The following HAPSTR1 variants were observed in gnomAD, a reference collection of about 807,000 sequenced individuals.
The protein encoded by HAPSTR1 is HUWE1-associated protein modifying stress responses 1.
chr16:9,104,430 T>G, the HAPSTR1 span: 1 of 152,212 alleles, frequency 6.6e-6, no homozygotes, highest in Non-Finnish European at 1.5e-5. Context: ...TTAACATTTT[T>G]GGGCCATAGT....
chr16:9,103,345 A>C, the HAPSTR1 span: 2 of 1,398,378 alleles, frequency 1.4e-6, no homozygotes, highest in African/African-American at 2.9e-5. Flanking sequence ...TTAGGTCCAG[A>C]TATACTGTTT....
the HAPSTR1 span, among the ~76,000 whole-genome samples, chr16:9,098,330 T>TCA: frequency 4.1e-4 from 62 of 152,066 alleles, no homozygotes; most frequent in East Asian, 4.4e-3. Flanking sequence ...CGAAAATCCA[T>TCA]CACACACACA....
At chr16:9,114,692 C>G in the HAPSTR1 span, among the ~76,000 whole-genome samples, 1 of 152,128 alleles carries the variant, frequency 6.6e-6, no homozygotes, top group Non-Finnish European at 1.5e-5. Flanking sequence ...CTGAAGCCAC[C>G]TTTTTGCTAA....
At chr16:9,105,777 A>T in the HAPSTR1 span, 2 of 152,244 alleles carry the variant, frequency 1.3e-5, no homozygotes. Context: ...GTCTAAATTC[A>T]TGCGTTTGGC....
At chr16:9,092,218 G>A in the HAPSTR1 span, 1 of 1,587,760 alleles carries the variant, frequency 6.3e-7, no homozygotes, top group Admixed American at 1.8e-5. Flanking sequence ...AGCAGCAGAA[G>A]CTGTGGCACC....
the HAPSTR1 span, chr16:9,106,829 C>G: frequency 6.6e-6 from 1 of 152,020 alleles, no homozygotes. Context: ...ATAAATTTCC[C>G]AAGAGTTGAA....
chr16:9,096,346 A>C, the HAPSTR1 span, among the ~76,000 whole-genome samples: 2 of 152,166 alleles, frequency 1.3e-5, no homozygotes, highest in African/African-American at 4.8e-5. Flanking sequence ...GTCTTTTTAA[A>C]AATTTTTTTT....
chr16:9,111,960 A>T, the HAPSTR1 span: 1 of 152,192 alleles, frequency 6.6e-6, no homozygotes, highest in African/African-American at 2.4e-5. Flanking sequence ...TTCCCATGAC[A>T]TTACAAACTG....
At chr16:9,093,757 G>T in the HAPSTR1 span, among the ~76,000 whole-genome samples, 1 of 151,902 alleles carries the variant, frequency 6.6e-6, no homozygotes, top group South Asian at 2.1e-4. Flanking sequence ...GTAAGTAAAC[G>T]TTCTTGCCCA....
chr16:9,112,019 T>G, the HAPSTR1 span: 1 of 152,202 alleles, frequency 6.6e-6, no homozygotes, highest in Admixed American at 6.5e-5. Context: ...ACTGAAAATG[T>G]TTTCTTGGTG....
At chr16:9,103,135 A>G in the HAPSTR1 span, 1 of 1,614,148 alleles carries the variant, frequency 6.2e-7, no homozygotes, top group East Asian at 2.2e-5. Context: ...AAGTTCCTCC[A>G]CCACGAAACT....
the HAPSTR1 span, chr16:9,105,997 C>A: frequency 3.9e-5 from 6 of 152,170 alleles, no homozygotes; most frequent in African/African-American, 1.4e-4. Flanking sequence ...AGACTTGACA[C>A]CTGCTGAATA....
the HAPSTR1 span, chr16:9,092,287 C>T: frequency 6.7e-7 from 1 of 1,494,062 alleles, no homozygotes; most frequent in Non-Finnish European, 8.9e-7. Context: ...CCGCCGCCGC[C>T]ATCTTGGTAC....
chr16:9,113,151 T>A, the HAPSTR1 span: 1 of 152,154 alleles, frequency 6.6e-6, no homozygotes, highest in Non-Finnish European at 1.5e-5. Context: ...GTCATTGGTT[T>A]GTAAAATAAA....
At chr16:9,095,248 C>T in the HAPSTR1 span, among the ~76,000 whole-genome samples, 3 of 152,090 alleles carry the variant, frequency 2.0e-5, no homozygotes, top group African/African-American at 7.2e-5. Flanking sequence ...GTGGATAATA[C>T]TCTGGATAGC....
chr16:9,109,512 A>G, the HAPSTR1 span: 1 of 152,202 alleles, frequency 6.6e-6, no homozygotes, highest in South Asian at 2.1e-4. Flanking sequence ...GATTTTGATG[A>G]CATTCTTGAC....
chr16:9,112,712 A>G, the HAPSTR1 span: 2 of 152,198 alleles, frequency 1.3e-5, no homozygotes, highest in Non-Finnish European at 2.9e-5. Context: ...TTAATAATTT[A>G]CTATGTAACT....
chr16:9,091,886 C>T, the HAPSTR1 span: 2 of 503,380 alleles, frequency 4.0e-6, 1 homozygote, highest in South Asian at 1.8e-4. Context: ...CGGGGCTCGC[C>T]GGCCGTCGGG....
the HAPSTR1 span, chr16:9,108,451 G>C: frequency 1.3e-5 from 2 of 152,184 alleles, no homozygotes; most frequent in African/African-American, 4.8e-5. Flanking sequence ...CTTCCGAAGT[G>C]TTGGGAATAC....
Sources: gnomAD v4.1 joint callset for allele counts (sites outside exome capture counted in the v4.1 genomes callset) on GRCh38, gnomAD v4.1.1 for gene constraint, MANE v1.5 for transcripts, NCBI Gene and HGNC (gene_info 2026-07-23, HGNC 2026-07-21) for gene names.